Variants in MYO9A observed in about 807,000 individuals in gnomAD.
MYO9A encodes the protein unconventional myosin-IXa.
MYO9A carries 103 observed loss-of-function variants against 293.3 expected under a neutral mutation model. The observed-to-expected ratio is 0.35, with a 90% confidence interval of 0.30 to 0.41. The LOEUF (loss-of-function observed/expected upper bound fraction) is 0.41. Ranked by LOEUF, MYO9A falls within the 10% of genes least tolerant of loss-of-function variation. MYO9A has a pLI of 1.00. For synonymous variants in MYO9A, 1,001 were observed against 1,035.7 expected (o/e 0.97, Z 0.64); for missense variants, 2,685 against 3,033.0 (o/e 0.89, Z 2.69).
At chr15:71,899,621 T>C (rs1426569980) in intron 24 of MYO9A, 66 bp downstream of exon 24, 5 of 1,354,672 alleles carry the variant, frequency 3.7e-6, no homozygotes, top group African/African-American at 1.5e-5. Flanking sequence ...CAAGTGTTAA[T>C]GCAGAGGTAT....
chr15:71,830,809 A>C (rs1187528778), intron 39 of MYO9A, among the ~76,000 whole-genome samples: 2 of 152,168 alleles, frequency 1.3e-5, no homozygotes, highest in Non-Finnish European at 2.9e-5. Flanking sequence ...CTTGGAATGC[A>C]TAATCTCTCT....
At chr15:71,953,146 T>C (rs2059092660) in intron 14 of MYO9A, among the ~76,000 whole-genome samples, 1 of 152,250 alleles carries the variant, frequency 6.6e-6, no homozygotes, top group Non-Finnish European at 1.5e-5. Context: ...GTACAAAGGT[T>C]GAATGTTTCA....
intron 15 of MYO9A, among the ~76,000 whole-genome samples, chr15:71,943,405 T>A (rs1007151783): frequency 6.6e-6 from 1 of 152,068 alleles, no homozygotes; most frequent in African/African-American, 2.4e-5. Context: ...CTGTATACCA[T>A]CTGCAAGCAG....
chr15:72,011,117 C>A (rs1475457588), intron 6 of MYO9A, among the ~76,000 whole-genome samples: 1 of 151,544 alleles, frequency 6.6e-6, no homozygotes, highest in Non-Finnish European at 1.5e-5. Context: ...TCAGGTGATT[C>A]TCCCACCTCA....
At chr15:71,941,157 C>T (rs907178753) in intron 15 of MYO9A, among the ~76,000 whole-genome samples, 4 of 152,226 alleles carry the variant, frequency 2.6e-5, no homozygotes, top group Non-Finnish European at 5.9e-5. Context: ...CAGATCTGGT[C>T]AGGTGCAGTG....
chr15:71,906,758 C>CTTTTTTTTTTTTTTTT (rs71131714), intron 19 of MYO9A, among the ~76,000 whole-genome samples: 11 of 61,032 alleles, frequency 1.8e-4, no homozygotes, highest in African/African-American at 6.4e-4. Flanking sequence ...CCATTTCTTT[C>CTTTTTTTTTTTTTTTT]TTTTTTTTTT....
intron 19 of MYO9A, among the ~76,000 whole-genome samples, chr15:71,907,017 T>C (rs1435095422): frequency 1.3e-5 from 2 of 150,086 alleles, no homozygotes; most frequent in African/African-American, 2.5e-5. Flanking sequence ...TATGTATACA[T>C]GTGACATGCT....
intron 34 of MYO9A, among the ~76,000 whole-genome samples, chr15:71,855,363 T>C (rs2055824849): frequency 6.6e-6 from 1 of 152,194 alleles, no homozygotes. Context: ...CTCGAGCTCC[T>C]GACCTCAAGT....
intron 19 of MYO9A, among the ~76,000 whole-genome samples, chr15:71,910,127 C>CGT (rs2057794748): frequency 8.7e-6 from 1 of 114,726 alleles, no homozygotes; most frequent in Non-Finnish European, 1.9e-5. Flanking sequence ...TATATATACA[C>CGT]GTGTATATAT....
rs534764075 is a variant in MYO9A, at chr15:71,970,722, T to C, written c.1845-2597A>G. On this transcript the variant is annotated intron_variant, in intron 12 of 41. Transcript: ENST00000356056. ...AGATGATGCAAAGTAATTATAATAA[T>C]AGGAAATTACATTAATTGTTAAAGC... is the stretch of plus-strand genomic sequence containing the variant. Among the ~76,000 whole-genome samples the C allele has an allele frequency of 5.3e-5, 8 of 152,280 alleles. No homozygotes were observed. In the South Asian group the frequency reaches 1.7e-3, roughly 32 times the overall value.
chr15:72,051,296 G>C (rs1054556880), intron 1 of MYO9A, among the ~76,000 whole-genome samples: 3 of 152,162 alleles, frequency 2.0e-5, no homozygotes, highest in African/African-American at 7.2e-5. Flanking sequence ...CCAGGACTGC[G>C]TGCTCCATGG....
At chr15:71,935,938 C>T (rs904070405) in intron 16 of MYO9A, among the ~76,000 whole-genome samples, 1 of 145,596 alleles carries the variant, frequency 6.9e-6, no homozygotes, top group Non-Finnish European at 1.5e-5. Context: ...ACACTCACTA[C>T]TCACACACCC....
Position 71,941,653 on chromosome 15 carries a change from G to GA in MYO9A, c.2303-2727dup, listed in dbSNP as rs1388445194. Among the ~76,000 whole-genome samples, 7 of 152,160 alleles carry GA rather than the reference G, an allele frequency of 4.6e-5. No homozygotes were observed. The South Asian group carries it at 1.2e-3, about 27-fold the overall frequency. The stretch of plus-strand genomic sequence containing the variant: ...TTTTCTAAATTTGATGAAAAACAAT[G>GA]AAAGTCCAAAAGGTACAGCAAATCC... On this transcript the variant is annotated intron_variant, in intron 15 of 41. Transcript: ENST00000356056.
In MYO9A at chr15:72,009,833, T is replaced by C. The variant is rs552127683; in HGVS notation, c.1253+517A>G. Among the ~76,000 whole-genome samples, 15 of 152,364 alleles carry C rather than the reference T, an allele frequency of 9.8e-5. No individual in the cohort carries two copies. The South Asian group carries it at 2.9e-3, about 29-fold the overall frequency. ...CCAAGGTTGAGTCTTTAATTTTAAA[T>C]AATTTGTTTCAAATATAATTTATCT... On this transcript the variant is annotated intron_variant, in intron 7 of 41. Transcript: ENST00000356056.
rs2054307491 is a variant in MYO9A, at chr15:71,822,312, T to C, written c.*4268A>G. 6.6e-6 allele frequency: 1 copy of C among 152,212 alleles called. No homozygotes were observed. The allele number at this position is 152,212 out of a possible 1,614,324, so 9.4% of individuals were successfully genotyped here. A position where few individuals can be genotyped will look rare whatever the true frequency, so the allele number is the denominator to read the frequency against. The stretch of plus-strand genomic sequence containing the variant: ...TTGCTGCTTCTGGAAGCTTTGTTCT[T>C]TAATGAGCCATGGGGTGATTTGTTC... On this transcript the variant is annotated 3_prime_UTR_variant, in exon 42 of 42. Transcript: ENST00000356056.
In MYO9A at chr15:71,878,122, A is replaced by G. The variant is rs2056750146; in HGVS notation, c.5849T>C (p.Val1950Ala). ...TTTAAAAGTGTTGACCCAAACTCTC[A>G]CTGGAGATTCACCCAGTGAATCACG... ...EQRDSLGESPVRVWVNTFKVF... is the reference protein window; with the variant it reads ...EQRDSLGESPARVWVNTFKVF... The change falls in exon 31 of 42, where the codon GTG becomes GCG. Residue 1950 changes from valine (V) to alanine (A), a missense_variant. Physicochemically the swap from Val to Ala is moderately conservative, Grantham distance 64. Transcript: ENST00000356056. 1 of 1,612,114 alleles carries G rather than the reference A, an allele frequency of 6.2e-7. No homozygotes were observed. The highest frequency in any genetic ancestry group is 8.5e-7 in the Non-Finnish European group (1 of 1,179,420).
intron 40 of MYO9A, among the ~76,000 whole-genome samples, chr15:71,829,211 T>C (rs1014332648): frequency 6.6e-6 from 1 of 152,228 alleles, no homozygotes; most frequent in African/African-American, 2.4e-5. Context: ...TACATCATCT[T>C]TGCCTTATCA....
At chr15:72,100,424 G>A (rs1030614989) in intron 1 of MYO9A, among the ~76,000 whole-genome samples, 4 of 150,172 alleles carry the variant, frequency 2.7e-5, no homozygotes, top group African/African-American at 4.9e-5. Flanking sequence ...GCCACCCATC[G>A]TCTGGGATGT....
rs1448514390 is a variant in MYO9A, at chr15:71,855,757, A to G, written c.6154-1188T>C. Among the ~76,000 whole-genome samples the G allele has an allele frequency of 2.0e-5, 3 of 152,086 alleles. No homozygotes were observed. The East Asian group carries it at 5.8e-4, about 29-fold the overall frequency. ...ATCACTAACCAATTAGACTATTTCA[A>G]CACTTTCTTGGCGAGTTTTCCCCAT... On this transcript the variant is annotated intron_variant, in intron 34 of 41. Coordinates refer to ENST00000356056, the MANE Select transcript of MYO9A (RefSeq NM_006901.4).
Sources: gnomAD v4.1 joint callset for allele counts (sites outside exome capture counted in the v4.1 genomes callset) on GRCh38, gnomAD v4.1.1 for gene constraint, MANE v1.5 for transcripts, NCBI Gene and HGNC (gene_info 2026-07-23, HGNC 2026-07-21) for gene names.